TMCC1: variants seen among roughly 807,000 people sequenced by gnomAD.
TMCC1 encodes the protein transmembrane and coiled-coil domains protein 1.
In TMCC1, 15 loss-of-function variants were observed where a neutral mutation model predicts 52.4. That is an observed-to-expected ratio of 0.29 (90% CI 0.19 to 0.44). TMCC1 has a LOEUF of 0.44. Among genes scored for constraint, TMCC1 ranks in the 20% least tolerant of loss-of-function variants. The pLI, the probability that TMCC1 is intolerant of heterozygous loss-of-function variation, is 1.00. For missense variants in TMCC1, 503 were observed against 806.0 expected (o/e 0.62, Z 4.55); for synonymous variants, 279 against 301.9 (o/e 0.92, Z 0.79).
At chr3:129,883,053 C>T (rs1465826807) in intron 1 of TMCC1, among the ~76,000 whole-genome samples, 1 of 151,808 alleles carries the variant, frequency 6.6e-6, no homozygotes, top group African/African-American at 2.4e-5. Flanking sequence ...CTTTGGGAGG[C>T]CAAAGTGGGC....
At chr3:129,724,346 A>C (rs569397611) in intron 4 of TMCC1, among the ~76,000 whole-genome samples, 86 of 152,240 alleles carry the variant, frequency 5.6e-4, no homozygotes, top group Middle Eastern at 3.4e-3. Flanking sequence ...CCTTGACCCT[A>C]TTTTGTGTCT....
At chr3:129,777,764 T>C (rs2055158718) in intron 4 of TMCC1, among the ~76,000 whole-genome samples, 1 of 152,188 alleles carries the variant, frequency 6.6e-6, no homozygotes, top group Non-Finnish European at 1.5e-5. Context: ...TTGCCTGTTT[T>C]AAAATAAAGA....
intron 4 of TMCC1, among the ~76,000 whole-genome samples, chr3:129,691,299 G>C (rs1297276715): frequency 6.6e-6 from 1 of 152,090 alleles, no homozygotes; most frequent in Non-Finnish European, 1.5e-5. Context: ...TATAATCCCA[G>C]CACTTTAGGA....
rs150519414 is a variant in TMCC1, at chr3:129,657,445, T to C, written c.1512-2342A>G. ...ATGAGGAAACAGAAGCTCAGAGAAG[T>C]TCTAAAGTGAATTGCCCAAGGGCAC... On this transcript the variant is annotated intron_variant, in intron 5 of 6. Coordinates refer to ENST00000393238, the MANE Select transcript of TMCC1 (RefSeq NM_001017395.5). 6.6e-5 allele frequency among the ~76,000 whole-genome samples: 10 copies of C among 152,322 alleles called. No individual in the cohort carries two copies. In the East Asian group the frequency reaches 1.9e-3, roughly 29 times the overall value.
At chr3:129,785,881 T>G (rs2055980481) in intron 4 of TMCC1, among the ~76,000 whole-genome samples, 1 of 151,872 alleles carries the variant, frequency 6.6e-6, no homozygotes, top group Non-Finnish European at 1.5e-5. Flanking sequence ...AAATTTACTC[T>G]TAGAAGATTA....
chr3:129,654,358 T>C (rs1017568054), intron 6 of TMCC1, among the ~76,000 whole-genome samples: 2 of 152,214 alleles, frequency 1.3e-5, no homozygotes, highest in Admixed American at 6.5e-5. Flanking sequence ...TTGATTCTTT[T>C]AGGCTGTTGT....
chr3:129,675,895 G>A (rs926609032), intron 4 of TMCC1, among the ~76,000 whole-genome samples: 1 of 151,954 alleles, frequency 6.6e-6, no homozygotes, highest in Non-Finnish European at 1.5e-5. Flanking sequence ...AAATTAGCTG[G>A]GCGTGGTGGC....
intron 5 of TMCC1, 87 bp from the exon 6 acceptor site, chr3:129,655,190 C>A: frequency 1.3e-6 from 2 of 1,492,718 alleles, no homozygotes; most frequent in South Asian, 2.5e-5. Flanking sequence ...AAAACACATT[C>A]TACAAAGGAA....
intron 1 of TMCC1, among the ~76,000 whole-genome samples, chr3:129,885,863 C>T (rs192087349): frequency 4.5e-4 from 68 of 150,840 alleles, no homozygotes; most frequent in African/African-American, 1.6e-3. Flanking sequence ...CTGCCTCAGC[C>T]TCCCGAGTAG....
chr3:129,733,847 C>G (rs1405554720), intron 4 of TMCC1, among the ~76,000 whole-genome samples: 1 of 152,136 alleles, frequency 6.6e-6, no homozygotes, highest in Non-Finnish European at 1.5e-5. Flanking sequence ...AAACAAATCA[C>G]TACACAGAAA....
At chr3:129,717,123 G>A (rs1359182796) in intron 4 of TMCC1, among the ~76,000 whole-genome samples, 2 of 152,136 alleles carry the variant, frequency 1.3e-5, no homozygotes, top group African/African-American at 4.8e-5. Context: ...CTACTGCAGT[G>A]TAACTCATAA....
chr3:129,876,197 A>G (rs1301525313), intron 2 of TMCC1, among the ~76,000 whole-genome samples: 3 of 151,256 alleles, frequency 2.0e-5, no homozygotes, highest in Non-Finnish European at 2.9e-5. Flanking sequence ...CATTCTTTTG[A>G]TAATTGCTAT....
chr3:129,823,744 A>G (rs2058532407), intron 4 of TMCC1, among the ~76,000 whole-genome samples: 1 of 152,224 alleles, frequency 6.6e-6, no homozygotes, highest in African/African-American at 2.4e-5. Context: ...GCAAGACCTT[A>G]TATTAGCGTT....
At chr3:129,827,385 A>G (rs572710710) in intron 4 of TMCC1, among the ~76,000 whole-genome samples, 1 of 152,370 alleles carries the variant, frequency 6.6e-6, no homozygotes, top group Non-Finnish European at 1.5e-5. Context: ...TAACCAACTT[A>G]GTGTACTTCC....
At position 129,827,962 on chromosome 3, in the gene TMCC1, C is replaced by T. The variant is rs2058731607; in HGVS notation, c.417G>A (p.Arg139=). The T allele has an allele frequency of 2.5e-6, 4 of 1,614,148 alleles. No homozygotes were observed. Among genetic ancestry groups the T allele is most frequent in the Non-Finnish European group, 3.4e-6 (4 of 1,180,010 alleles). ...EAPKGSPQIN[R]KSGQEMTAVM... is the part of the protein sequence containing the mutation. ...CAGCTGTCATCTCCTGACCAGACTTCCTGTTGATTTGGGGACTTCCCTTTG... is the reference window on the plus strand; with the variant it reads ...CAGCTGTCATCTCCTGACCAGACTTTCTGTTGATTTGGGGACTTCCCTTTG... Residue 139 remains arginine (R), a synonymous_variant, in exon 4 of 7, where the codon AGG becomes AGA. Transcript: ENST00000393238.
At chr3:129,652,865 C>T (rs928463757) in intron 6 of TMCC1, among the ~76,000 whole-genome samples, 1 of 152,222 alleles carries the variant, frequency 6.6e-6, no homozygotes, top group Admixed American at 6.5e-5. Context: ...TAGGATTTTA[C>T]CTACAATTCC....
chr3:129,829,771 C>T (rs779644411), intron 3 of TMCC1, among the ~76,000 whole-genome samples: 3 of 152,130 alleles, frequency 2.0e-5, no homozygotes, highest in Non-Finnish European at 4.4e-5. Flanking sequence ...TCTAGAAAGC[C>T]ATAAATTAGC....
Position 129,671,154 on chromosome 3 carries a change from G to C in TMCC1, c.687C>G (p.Arg229=). ...GCAGGTGAGCAATGGCAGCCTTTGT[G>C]CGCTGAGGGTCTGGTGTTCCATCCA... is the stretch of plus-strand genomic sequence containing the variant. ...DSVDGTPDPQ[R]TKAAIAHLQQ... The change falls in exon 5 of 7, where the codon CGC becomes CGG. Residue 229 remains arginine (R), a synonymous_variant. Coordinates refer to ENST00000393238, the MANE Select transcript of TMCC1 (RefSeq NM_001017395.5). 3.7e-6 allele frequency: 6 copies of C among 1,614,138 alleles called. No individual in the cohort carries two copies. Among genetic ancestry groups the C allele is most frequent in the Non-Finnish European group, 5.1e-6 (6 of 1,180,032 alleles).
In TMCC1 at chr3:129,747,198, T is replaced by C. The variant is rs539465979; in HGVS notation, c.577-75934A>G. On this transcript the variant is annotated intron_variant, in intron 4 of 6. Coordinates refer to ENST00000393238, the MANE Select transcript of TMCC1 (RefSeq NM_001017395.5). ...AACTCAGAGTCCCCTCAGTTACATA[T>C]ATATAAAAAAAAGTTCAACATTTTT... is the stretch of plus-strand genomic sequence containing the variant. 3.9e-5 allele frequency among the ~76,000 whole-genome samples: 6 copies of C among 152,210 alleles called. No individual in the cohort carries two copies. In the East Asian group the frequency reaches 1.2e-3, roughly 29 times the overall value.
Sources: allele counts gnomAD v4.1 joint callset (sites outside exome capture counted in the v4.1 genomes callset), GRCh38; gene constraint gnomAD v4.1.1; transcripts MANE v1.5; gene names NCBI Gene and HGNC (gene_info 2026-07-23, HGNC 2026-07-21).